Variants in DHRSX observed in about 807,000 individuals in gnomAD.
The protein encoded by DHRSX is polyprenol dehydrogenase.
In DHRSX, 31 loss-of-function variants were observed where a neutral mutation model predicts 34.0. The ratio of observed to expected loss-of-function variants is 0.91; its 90% CI spans 0.69 to 1.23. The LOEUF is 1.23. DHRSX is among the 50% of genes most tolerant of loss of function. The pLI is 0.00. For missense variants in DHRSX, 414 were observed against 428.1 expected (o/e 0.97, Z 0.29); for synonymous variants, 201 against 183.8 (o/e 1.09, Z -0.76).
intron 3 of DHRSX, chrX:2,392,355 AT>A (rs1172891764): frequency 3.5e-5 from 7 of 202,664 alleles, no homozygotes; most frequent in African/African-American, 1.2e-4. Flanking sequence ...AGCACATACA[AT>A]TTTAGGAGGA....
chrX:2,401,108 C>CTTTTTTTTT (rs35151918), intron 3 of DHRSX, among the ~76,000 whole-genome samples: 1 of 128,530 alleles, frequency 7.8e-6, no homozygotes, highest in Non-Finnish European at 1.6e-5. Flanking sequence ...ATTTGGGAAG[C>CTTTTTTTTT]TTTTTTTTTT....
intron 1 of DHRSX, among the ~76,000 whole-genome samples, chrX:2,447,485 C>T (rs748664338): frequency 1.3e-5 from 2 of 152,290 alleles, no homozygotes; most frequent in South Asian, 2.1e-4. Flanking sequence ...GCCTGTGAAA[C>T]ATCACAGGAA....
intron 4 of DHRSX, among the ~76,000 whole-genome samples, chrX:2,276,119 G>A (rs1294935733): frequency 6.6e-6 from 1 of 152,222 alleles, no homozygotes; most frequent in East Asian, 1.9e-4. Context: ...TGGGATTACA[G>A]GCGTGGGCCA....
chrX:2,467,496 G>T (rs192780225), intron 1 of DHRSX, among the ~76,000 whole-genome samples: 1 of 151,974 alleles, frequency 6.6e-6, no homozygotes, highest in South Asian at 2.1e-4. Context: ...GACAACGTGC[G>T]GCACACCAAA....
At chrX:2,270,545 A>T (rs183292280) in intron 4 of DHRSX, among the ~76,000 whole-genome samples, 67,110 of 151,416 alleles carry the variant, frequency 0.44, 15,741 homozygotes, top group Middle Eastern at 0.56. Context: ...GGGCCCACAG[A>T]AGACTCAGCA....
At chrX:2,490,031 G>A (rs1200434388) in intron 1 of DHRSX, 15 of 1,613,708 alleles carry the variant, frequency 9.3e-6, no homozygotes, top group Non-Finnish European at 1.1e-5. Flanking sequence ...CAGGCAGCGG[G>A]AGCCCATGGA....
intron 3 of DHRSX, among the ~76,000 whole-genome samples, chrX:2,315,777 T>C (rs1359319927): frequency 6.6e-6 from 1 of 152,180 alleles, no homozygotes; most frequent in South Asian, 2.1e-4. Context: ...AAAGCTGAGA[T>C]GACATCTGTA....
At chrX:2,256,207 A>G (rs1205790583) in intron 5 of DHRSX, among the ~76,000 whole-genome samples, 1 of 136,420 alleles carries the variant, frequency 7.3e-6, no homozygotes, top group Non-Finnish European at 1.6e-5. Flanking sequence ...GTTGGCCAGG[A>G]TGGTCTTGAT....
intron 3 of DHRSX, among the ~76,000 whole-genome samples, chrX:2,297,312 C>A (rs756314595): frequency 6.6e-6 from 1 of 152,054 alleles, no homozygotes; most frequent in African/African-American, 2.4e-5. Flanking sequence ...TTGTAGAGAT[C>A]GGATTTTGCA....
intron 1 of DHRSX, among the ~76,000 whole-genome samples, chrX:2,459,418 T>G (rs1233564350): frequency 6.6e-6 from 1 of 151,644 alleles, no homozygotes; most frequent in African/African-American, 2.4e-5. Flanking sequence ...TTAATTCACT[T>G]AATTATTAAT....
At chrX:2,360,250 CATT>C (rs1269783749) in intron 3 of DHRSX, among the ~76,000 whole-genome samples, 1 of 152,096 alleles carries the variant, frequency 6.6e-6, no homozygotes, top group East Asian at 1.9e-4. Flanking sequence ...TTCAACATCT[CATT>C]AAACATTTCG....
chrX:2,298,568 A>C (rs891548835), intron 3 of DHRSX, among the ~76,000 whole-genome samples: 5 of 141,376 alleles, frequency 3.5e-5, no homozygotes, highest in Non-Finnish European at 7.4e-5. Context: ...CTCTCACCTA[A>C]GTGGAACAGC....
intron 5 of DHRSX, among the ~76,000 whole-genome samples, chrX:2,246,206 G>A (rs1189052877): frequency 2.0e-5 from 3 of 151,990 alleles, no homozygotes; most frequent in Non-Finnish European, 4.4e-5. Flanking sequence ...AGATCAAAAA[G>A]CCTAAAAGAA....
At chrX:2,247,035 G>C (rs62595481) in intron 5 of DHRSX, among the ~76,000 whole-genome samples, 84,230 of 151,796 alleles carry the variant, frequency 0.55, 26,742 homozygotes, top group Non-Finnish European at 0.75. Flanking sequence ...TGCAACCTCT[G>C]CCTCCTAGGT....
chrX:2,391,721 T>C (rs191658627), intron 3 of DHRSX, among the ~76,000 whole-genome samples: 2 of 152,020 alleles, frequency 1.3e-5, no homozygotes, highest in African/African-American at 4.8e-5. Context: ...AGGTCAGGAG[T>C]TCGAGACCAG....
At chrX:2,290,323 T>A (rs942612973) in intron 4 of DHRSX, among the ~76,000 whole-genome samples, 6 of 152,116 alleles carry the variant, frequency 3.9e-5, no homozygotes, top group Admixed American at 1.3e-4. Flanking sequence ...AGCTACCACA[T>A]CTTGGCAGCT....
At chrX:2,311,475 T>G (rs1248363933) in intron 3 of DHRSX, among the ~76,000 whole-genome samples, 4 of 152,108 alleles carry the variant, frequency 2.6e-5, no homozygotes, top group African/African-American at 9.7e-5. Flanking sequence ...GTTGTCAGAA[T>G]GGTAAAGTGT....
intron 3 of DHRSX, among the ~76,000 whole-genome samples, chrX:2,389,267 A>G (rs1368648111): frequency 2.0e-5 from 3 of 152,036 alleles, no homozygotes; most frequent in Non-Finnish European, 2.9e-5. Flanking sequence ...GGGTGCTCCA[A>G]TGGCAGCTCA....
chrX:2,381,344 C>T (rs996405622), intron 3 of DHRSX, among the ~76,000 whole-genome samples: 2 of 152,130 alleles, frequency 1.3e-5, no homozygotes, highest in African/African-American at 4.8e-5. Context: ...GAGAAGGCAC[C>T]GTCTGTGAAC....
Sources: allele counts gnomAD v4.1 joint callset (sites outside exome capture counted in the v4.1 genomes callset), GRCh38; gene constraint gnomAD v4.1.1; transcripts MANE v1.5; gene names NCBI Gene and HGNC (gene_info 2026-07-23, HGNC 2026-07-21).